FRMD7: variants seen among roughly 807,000 people sequenced by gnomAD.
The protein encoded by FRMD7 is FERM domain containing 7.
Under a neutral mutation model 44.1 loss-of-function variants are expected in FRMD7, and 14 were observed. The ratio of observed to expected loss-of-function variants is 0.32; its 90% CI spans 0.21 to 0.50. The LOEUF (loss-of-function observed/expected upper bound fraction) is 0.50. Among genes scored for constraint, FRMD7 ranks in the 20% least tolerant of loss-of-function variants. FRMD7 has a pLI of 0.99. For synonymous variants in FRMD7, 212 were observed against 187.4 expected, an observed-to-expected ratio of 1.13 and a Z score of -1.07; for missense variants, 501 against 522.3, an observed-to-expected ratio of 0.96 and a Z score of 0.40.
rs1416300309 is a variant in FRMD7, at chrX:132,127,971, A to G, written c.-127T>C. On this transcript the variant is annotated 5_prime_UTR_variant, in exon 1 of 12. Coordinates refer to ENST00000298542, the MANE Select transcript of FRMD7 (RefSeq NM_194277.3). ...CCCCCAGCCAGGCATTCCCACTGTC[A>G]GCGGGGCACACTTCCGTTTGCTTGA... The G allele has an allele frequency of 1.7e-6, 1 of 572,537 alleles. No individual in the cohort carries two copies. The highest frequency in any genetic ancestry group is 3.1e-6 in the Non-Finnish European group (1 of 322,849). The allele number at this position is 572,537 out of a possible 1,213,427, so 47.2% of individuals were successfully genotyped here. A position where few individuals can be genotyped will look rare whatever the true frequency, so the allele number is the denominator to read the frequency against.
At chrX:132,104,688 G>A (rs990929549) in intron 1 of FRMD7, among the ~76,000 whole-genome samples, 4 of 111,277 alleles carry the variant, frequency 3.6e-5, no homozygotes, top group East Asian at 2.8e-4. Context: ...GCAAGACTCC[G>A]TCTCAAAAAA....
intron 1 of FRMD7, among the ~76,000 whole-genome samples, chrX:132,121,662 T>A (rs192099267): frequency 1.8e-5 from 2 of 110,847 alleles, no homozygotes; most frequent in Admixed American, 1.9e-4. Context: ...TTATTTGATG[T>A]GCATGAGACT....
chrX:132,121,786 A>G (rs1227723031), intron 1 of FRMD7, among the ~76,000 whole-genome samples: 1 of 111,711 alleles, frequency 9.0e-6, no homozygotes, highest in African/African-American at 3.3e-5. Flanking sequence ...CCTAACTGTG[A>G]ATAATGACCA....
intron 1 of FRMD7, among the ~76,000 whole-genome samples, chrX:132,119,773 T>G (rs1457872928): frequency 9.0e-6 from 1 of 111,435 alleles, no homozygotes; most frequent in Non-Finnish European, 1.9e-5. Flanking sequence ...GCCTATCACC[T>G]TTCATTCTTC....
chrX:132,103,175 G>A (rs1928550260), intron 1 of FRMD7, among the ~76,000 whole-genome samples: 1 of 111,827 alleles, frequency 8.9e-6, no homozygotes, highest in East Asian at 2.8e-4. Flanking sequence ...GTAAGGTCTT[G>A]GTTCTGTCTC....
At position 132,092,681 on chromosome X, in the gene FRMD7, A is replaced by G. The variant is rs747481316; in HGVS notation, c.382+1361T>C. On this transcript the variant is annotated intron_variant, in intron 5 of 11. Coordinates refer to ENST00000298542, the MANE Select transcript of FRMD7 (RefSeq NM_194277.3). ...GGCAGAACTGTTAAGAATGAAATTG[A>G]GCTCCCCCGTCAGAGACTGCCTGGG... Among the ~76,000 whole-genome samples the G allele has an allele frequency of 1.4e-4, 16 of 111,798 alleles. No individual in the cohort carries two copies. The East Asian group carries it at 2.8e-3, about 20-fold the overall frequency.
Position 132,077,856 on chromosome X carries a change from C to T in FRMD7, c.*16G>A. On this transcript the variant is annotated 3_prime_UTR_variant, in exon 12 of 12. Transcript: ENST00000298542. ...TAACATGGAACTGGCTCAGAAATGT[C>T]CATAGGTTCACACTTTTAAGCTAAA... is the stretch of plus-strand genomic sequence containing the variant. 1 of 1,210,593 alleles carries T rather than the reference C, an allele frequency of 8.3e-7. No individual in the cohort carries two copies. The highest frequency in any genetic ancestry group is 2.3e-4 in the Middle Eastern group (1 of 4,304).
Position 132,081,914 on chromosome X carries a change from A to G in FRMD7, c.905+449T>C, listed in dbSNP as rs186179052. On this transcript the variant is annotated intron_variant, in intron 9 of 11. Coordinates refer to ENST00000298542, the MANE Select transcript of FRMD7 (RefSeq NM_194277.3). ...CAAGATCTTAACCCAACCTTGCTTCAATTCCTCCAAAGTGTGACCTGTAGT... is the reference window on the plus strand; with the variant it reads ...CAAGATCTTAACCCAACCTTGCTTCGATTCCTCCAAAGTGTGACCTGTAGT... 6.0e-3 allele frequency among the ~76,000 whole-genome samples: 673 copies of G among 111,955 alleles called. 5 individuals carry two copies. The highest frequency in any genetic ancestry group is 0.021 in the African/African-American group (635 of 30,827).
intron 4 of FRMD7, among the ~76,000 whole-genome samples, chrX:132,095,714 CT>C (rs1928311871): frequency 8.9e-6 from 1 of 112,273 alleles, no homozygotes; most frequent in Non-Finnish European, 1.9e-5. Context: ...ATGTATTAGC[CT>C]AGACAAGGCA....
In FRMD7 at chrX:132,078,590, G is replaced by A. The variant is rs761002093; in HGVS notation, c.1427C>T (p.Thr476Met). ...TGTACAAGGAATATAGGGCACATCC[G>A]TGTAAGTTAGCTGCTTTGCTGGACG... Reference protein sequence around the residue: ...KVRPAKQLTYTDVPYIPCTGQ... With the variant: ...KVRPAKQLTYMDVPYIPCTGQ... Residue 476 changes from threonine (T) to methionine (M), a missense_variant, in exon 12 of 12, where the codon ACG (threonine) becomes ATG (methionine). Physicochemically the swap from Thr to Met is moderately conservative, Grantham distance 81. Around this residue, in one of 3 missense-constraint regions of FRMD7, gnomAD observed 453 missense variants for 452.7 expected, o/e 1.00. Transcript: ENST00000298542. The A allele has an allele frequency of 9.1e-6, 11 of 1,209,276 alleles. No individual in the cohort carries two copies. The highest frequency in any genetic ancestry group is 5.3e-5 in the African/African-American group (3 of 57,137).
chrX:132,108,201 T>C (rs764566866), intron 1 of FRMD7, among the ~76,000 whole-genome samples: 1 of 112,049 alleles, frequency 8.9e-6, no homozygotes, highest in South Asian at 3.8e-4. Flanking sequence ...CTATCCAGAA[T>C]AGGCAAATCC....
intron 1 of FRMD7, among the ~76,000 whole-genome samples, chrX:132,113,974 A>G (rs1928841373): frequency 1.2e-5 from 1 of 85,750 alleles, no homozygotes; most frequent in Non-Finnish European, 2.2e-5. Context: ...TAACCATGTT[A>G]CCTGACTTTA....
chrX:132,126,224 C>A (rs747719120), intron 1 of FRMD7, among the ~76,000 whole-genome samples: 8 of 111,742 alleles, frequency 7.2e-5, no homozygotes, highest in Non-Finnish European at 1.5e-4. Flanking sequence ...GCAGCCAATG[C>A]TATTGCCTCT....
chrX:132,108,889 C>T (rs921242490), intron 1 of FRMD7, among the ~76,000 whole-genome samples: 35 of 111,252 alleles, frequency 3.1e-4, no homozygotes, highest in Middle Eastern at 9.2e-3. Flanking sequence ...GGTGCCCGTC[C>T]GCCATGATTG....
chrX:132,107,731 A>G (rs1458248328), intron 1 of FRMD7, among the ~76,000 whole-genome samples: 1 of 110,898 alleles, frequency 9.0e-6, no homozygotes, highest in Admixed American at 9.7e-5. Flanking sequence ...TAAAAGTCCT[A>G]TCTAAATAAA....
intron 2 of FRMD7, among the ~76,000 whole-genome samples, chrX:132,100,234 C>A (rs911477738): frequency 3.6e-5 from 4 of 111,845 alleles, no homozygotes; most frequent in Non-Finnish European, 5.6e-5. Context: ...CAGGTTCAAG[C>A]AATTCTCCTG....
At chrX:132,082,599 C>A in intron 8 of FRMD7, 73 bp from the exon 9 acceptor site, 1 of 948,312 alleles carries the variant, frequency 1.1e-6, no homozygotes, top group Non-Finnish European at 1.5e-6. Flanking sequence ...CAATGCCTTC[C>A]AAACTATTGC....
intron 1 of FRMD7, among the ~76,000 whole-genome samples, chrX:132,120,431 G>A (rs946336700): frequency 1.8e-5 from 2 of 112,838 alleles, no homozygotes; most frequent in Non-Finnish European, 3.8e-5. Context: ...GTGAAGAGGC[G>A]GCAAGGCCCC....
At chrX:132,090,713 A>G (rs1378275072) in intron 5 of FRMD7, among the ~76,000 whole-genome samples, 2 of 111,187 alleles carry the variant, frequency 1.8e-5, no homozygotes, top group Non-Finnish European at 1.9e-5. Context: ...TGATGTGTAA[A>G]TTATACCTCA....
Sources: gnomAD v4.1 joint callset for allele counts (sites outside exome capture counted in the v4.1 genomes callset) on GRCh38, gnomAD v4.1.1 for gene constraint, gnomAD v4.1.1 regional missense constraint, MANE v1.5 for transcripts, NCBI Gene and HGNC (gene_info 2026-07-23, HGNC 2026-07-21) for gene names.